Variants in FAM174B observed in about 807,000 individuals in gnomAD.
The protein encoded by FAM174B is membrane protein FAM174B.
A neutral mutation model predicts 10.9 loss-of-function variants in FAM174B; 12 were observed. The ratio of observed to expected loss-of-function variants is 1.10; its 90% confidence interval spans 0.71 to 1.79. The LOEUF (loss-of-function observed/expected upper bound fraction) is 1.79. FAM174B is among the 40% of genes most tolerant of loss of function. FAM174B has a pLI of 0.00. For synonymous variants in FAM174B, 132 were observed against 115.8 expected (o/e 1.14, Z -0.90); for missense variants, 266 against 233.3 (o/e 1.14, Z -0.91).
Position 92,655,750 on chromosome 15 carries a change from G to T in FAM174B, c.-91C>A. 2 of 1,084,336 alleles carry T rather than the reference G, an allele frequency of 1.8e-6. No homozygotes were observed. The highest frequency in any genetic ancestry group is 2.3e-6 in the Non-Finnish European group (2 of 869,262). The allele number at this position is 1,084,336 out of a possible 1,614,324, so 67.2% of individuals were successfully genotyped here. The stretch of plus-strand genomic sequence containing the variant: ...ACGGAGGCCTGCACCGGGGGATCCT[G>T]CGGCGGAGGCGGCTGCGCGGTGCTT... On this transcript the variant is annotated 5_prime_UTR_variant, in exon 1 of 3. Coordinates refer to ENST00000327355, the MANE Select transcript of FAM174B (RefSeq NM_207446.3).
rs375313390 is a variant in FAM174B at position 92,630,833 on chromosome 15, T to TTATA, written c.345-492_345-489dup. 1.0e-4 allele frequency among the ~76,000 whole-genome samples: 4 copies of TTATA among 39,582 alleles called. 2 individuals are homozygous for TTATA. The highest frequency in any genetic ancestry group is 1.5e-4 in the Non-Finnish European group (2 of 13,124). The allele number at this position is 39,582 out of a possible 152,430, so 26.0% of individuals were successfully genotyped here. On this transcript the variant is annotated intron_variant, in intron 1 of 2. Coordinates refer to ENST00000327355, the MANE Select transcript of FAM174B (RefSeq NM_207446.3). ...TATTTTATATATTACATATTATATA[T>TTATA]TATATATATTACATATTACATGTTA...
At position 92,638,706 on chromosome 15, in the gene FAM174B, G is replaced by A. The variant is rs188687497; in HGVS notation, c.345-8361C>T. Among the ~76,000 whole-genome samples, 186 of 152,276 alleles carry A rather than the reference G, an allele frequency of 1.2e-3. 1 individual carries two copies. The highest frequency in any genetic ancestry group is 2.0e-3 in the Admixed American group (31 of 15,298). ...TGCCAGGTGTGGTCCGGGTTCTGAT[G>A]ACACAGCCTCTAACACTTCTCACTC... On this transcript the variant is annotated intron_variant, in intron 1 of 2. Transcript: ENST00000327355.
At position 92,655,600 on chromosome 15, in the gene FAM174B, G is replaced by C; in HGVS notation, c.60C>G (p.Ala20=). 1 of 1,281,208 alleles carries C rather than the reference G, an allele frequency of 7.8e-7. No homozygotes were observed. The highest frequency in any genetic ancestry group is 2.9e-5 in the South Asian group (1 of 34,226). The allele number at this position is 1,281,208 out of a possible 1,614,324, so 79.4% of individuals were successfully genotyped here. A position where few individuals can be genotyped will look rare whatever the true frequency, so the allele number is the denominator to read the frequency against. ...CTCTGCTGGCGCGGGCGGCGGGAGCGGCCAGGAGCGCGAGCAGCAGCAGCG... is the reference window on the plus strand; with the variant it reads ...CTCTGCTGGCGCGGGCGGCGGGAGCCGCCAGGAGCGCGAGCAGCAGCAGCG... ...LLPLLLLALL[A]APAARASRAE... Residue 20 remains alanine, a synonymous_variant, in exon 1 of 3, where the codon GCC becomes GCG. Coordinates refer to ENST00000327355, the MANE Select transcript of FAM174B (RefSeq NM_207446.3).
chr15:92,630,197 C>A lies in FAM174B; in HGVS notation c.476+17G>T. The A allele has an allele frequency of 6.2e-7, 1 of 1,611,576 alleles. No individual in the cohort carries two copies. Among genetic ancestry groups the A allele is most frequent in the Non-Finnish European group, 8.5e-7 (1 of 1,177,958 alleles). On this transcript the variant is annotated intron_variant, in intron 2 of 2. Coordinates refer to ENST00000327355, the MANE Select transcript of FAM174B (RefSeq NM_207446.3). Reference sequence around the variant, plus strand: ...CTGCCCCAAGCCCAGGAGGAAGCCTCTGTCTCCACCCTGTACCTGTATTTG... The same window carrying A: ...CTGCCCCAAGCCCAGGAGGAAGCCTATGTCTCCACCCTGTACCTGTATTTG...
At chr15:92,627,586 T>A (rs1465454610) in intron 2 of FAM174B, among the ~76,000 whole-genome samples, 12 of 152,206 alleles carry the variant, frequency 7.9e-5, no homozygotes, top group Non-Finnish European at 1.2e-4. Flanking sequence ...ATTGTCATAT[T>A]TCCTTGTTTA....
chr15:92,646,663 A>G (rs1021299233), intron 1 of FAM174B, among the ~76,000 whole-genome samples: 1 of 152,210 alleles, frequency 6.6e-6, no homozygotes, highest in Non-Finnish European at 1.5e-5. Flanking sequence ...AGAAACATTT[A>G]CAATCTATTC....
chr15:92,621,944 G>GGGC (rs1567042067), intron 2 of FAM174B, among the ~76,000 whole-genome samples: 1 of 152,188 alleles, frequency 6.6e-6, no homozygotes, highest in Admixed American at 6.5e-5. Flanking sequence ...TGAAGGGTGG[G>GGGC]GGCACAGGAA....
At chr15:92,634,030 T>TA (rs1272647359) in intron 1 of FAM174B, among the ~76,000 whole-genome samples, 3 of 152,202 alleles carry the variant, frequency 2.0e-5, no homozygotes, top group African/African-American at 7.2e-5. Context: ...AAGACAGCCC[T>TA]AAATCTCTCT....
chr15:92,654,018 AG>A (rs2050984507), intron 1 of FAM174B, among the ~76,000 whole-genome samples: 1 of 152,228 alleles, frequency 6.6e-6, no homozygotes, highest in Non-Finnish European at 1.5e-5. Flanking sequence ...AACATCAAGG[AG>A]ACCAGCAGAG....
chr15:92,638,342 G>A (rs2050868947), intron 1 of FAM174B, among the ~76,000 whole-genome samples: 1 of 152,138 alleles, frequency 6.6e-6, no homozygotes, highest in South Asian at 2.1e-4. Context: ...TGAAGCCAGA[G>A]GGTTTGTTTA....
chr15:92,628,175 T>A (rs927842621), intron 2 of FAM174B, among the ~76,000 whole-genome samples: 5 of 151,998 alleles, frequency 3.3e-5, no homozygotes, highest in African/African-American at 1.2e-4. Context: ...CCCAAAATTT[T>A]TTTTTTTGAG....
intron 2 of FAM174B, among the ~76,000 whole-genome samples, chr15:92,622,682 T>C (rs1596293519): frequency 6.6e-6 from 1 of 152,386 alleles, no homozygotes; most frequent in Admixed American, 6.5e-5. Flanking sequence ...TGCCTGCACC[T>C]GCTGTTACTT....
chr15:92,622,139 GTGTC>G (rs2050723618), intron 2 of FAM174B, among the ~76,000 whole-genome samples: 1 of 152,228 alleles, frequency 6.6e-6, no homozygotes, highest in Non-Finnish European at 1.5e-5. Context: ...ACCTCCGTAA[GTGTC>G]TGGGCATCCC....
intron 1 of FAM174B, among the ~76,000 whole-genome samples, chr15:92,640,793 C>T (rs897983123): frequency 1.3e-5 from 2 of 151,508 alleles, no homozygotes; most frequent in Middle Eastern, 3.2e-3. Context: ...TACAGGCACA[C>T]ACCACCACAC....
intron 1 of FAM174B, among the ~76,000 whole-genome samples, chr15:92,640,551 C>CAAAAAAAAAAAAA (rs60865026): frequency 1.5e-5 from 1 of 67,668 alleles, no homozygotes; most frequent in African/African-American, 5.7e-5. Context: ...GACTCCATCT[C>CAAAAAAAAAAAAA]AAAAAAAAAA....
chr15:92,622,313 G>A (rs563701063), intron 2 of FAM174B, among the ~76,000 whole-genome samples: 1 of 152,348 alleles, frequency 6.6e-6, no homozygotes, highest in Admixed American at 6.5e-5. Context: ...CGCCTCCACG[G>A]GGAGAAGTCC....
At chr15:92,637,052 G>GTTC (rs2050860645) in intron 1 of FAM174B, among the ~76,000 whole-genome samples, 1 of 152,192 alleles carries the variant, frequency 6.6e-6, no homozygotes, top group Non-Finnish European at 1.5e-5. Flanking sequence ...CTGTGCCCTG[G>GTTC]GTGAAGCCCC....
intron 2 of FAM174B, among the ~76,000 whole-genome samples, chr15:92,620,289 G>A (rs1164654896): frequency 1.3e-5 from 2 of 152,204 alleles, no homozygotes; most frequent in Non-Finnish European, 1.5e-5. Context: ...ACAAGGTCAG[G>A]AGATCGCGAC....
At chr15:92,652,914 C>G (rs558381180) in intron 1 of FAM174B, among the ~76,000 whole-genome samples, 2 of 152,254 alleles carry the variant, frequency 1.3e-5, no homozygotes, top group East Asian at 3.9e-4. Context: ...CAGTACAGAC[C>G]GAATAGCACA....
Sources: allele counts gnomAD v4.1 joint callset (sites outside exome capture counted in the v4.1 genomes callset), GRCh38; gene constraint gnomAD v4.1.1; transcripts MANE v1.5; gene names NCBI Gene and HGNC (gene_info 2026-07-23, HGNC 2026-07-21).